Variants in ACOT7 observed in about 807,000 individuals in gnomAD.
ACOT7 encodes cytosolic acyl coenzyme A thioester hydrolase.
Under a neutral mutation model 40.2 loss-of-function variants are expected in ACOT7, and 12 were observed. The observed-to-expected ratio is 0.30, with a 90% confidence interval of 0.19 to 0.48. The LOEUF (loss-of-function observed/expected upper bound fraction) is 0.48. Ranked by LOEUF, ACOT7 falls within the 20% of genes least tolerant of loss-of-function variation. ACOT7 has a pLI of 0.99. For missense variants in ACOT7, 395 were observed against 530.8 expected (o/e 0.74, Z 2.51); for synonymous variants, 228 against 219.5 (o/e 1.04, Z -0.34).
At chr1:6,287,284 G>C (rs1333852769) in intron 7 of ACOT7, among the ~76,000 whole-genome samples, 3 of 152,206 alleles carry the variant, frequency 2.0e-5, no homozygotes, top group African/African-American at 7.2e-5. Flanking sequence ...CAGGTCGCTG[G>C]GGACACCAAA....
Position 6,301,831 on chromosome 1 carries a change from A to G in ACOT7, c.713-6851T>C, listed in dbSNP as rs1226615067. ...GCCAAAAAACCAAGCCCACACTCAA[A>G]ATGATCTTGCTGTGTGAGCTGGACG... On this transcript the variant is annotated intron_variant, in intron 6 of 8. Transcript: ENST00000361521. The surrounding 1 kb of genome is among the most constrained non-coding windows in gnomAD (Gnocchi z 4.1). Among the ~76,000 whole-genome samples, 1 of 152,142 alleles carries G rather than the reference A, an allele frequency of 6.6e-6. No homozygotes were observed. Among genetic ancestry groups the G allele is most frequent in the Admixed American group, 6.5e-5 (1 of 15,272 alleles).
chr1:6,267,071 C>T (rs541550902), intron 8 of ACOT7, among the ~76,000 whole-genome samples: 16 of 152,236 alleles, frequency 1.1e-4, no homozygotes, highest in African/African-American at 2.6e-4. Context: ...AGAGGAAAGA[C>T]GGCAAGGAGC....
chr1:6,306,653 A>G lies in ACOT7; in HGVS notation c.713-11673T>C. The stretch of plus-strand genomic sequence containing the variant: ...GTGCCACTCAGCTTCACGAGGAAGA[A>G]AGCGGCGTCCCAAAGCATTTGTTTG... On this transcript the variant is annotated intron_variant, in intron 6 of 8. Transcript: ENST00000361521. This position sits in a 1 kb window ranked among gnomAD's most constrained non-coding sequence, Gnocchi z 4.3. 4.1e-6 allele frequency: 4 copies of G among 985,368 alleles called. No homozygotes were observed. The highest frequency in any genetic ancestry group is 3.6e-6 in the Non-Finnish European group (3 of 829,904). The allele number at this position is 985,368 out of a possible 1,614,324, so 61.0% of individuals were successfully genotyped here.
Position 6,338,586 on chromosome 1 carries a change from T to C in ACOT7, c.418+847A>G, listed in dbSNP as rs911969654. 2.4e-4 allele frequency among the ~76,000 whole-genome samples: 37 copies of C among 152,184 alleles called. No individual in the cohort carries two copies. Among genetic ancestry groups the C allele is most frequent in the African/African-American group, 8.9e-4 (37 of 41,454 alleles). Reference sequence around the variant, plus strand: ...ATCAACCCTGCTGAGGTCCTCAGAATGTTCTAGATGCATAATCGTGCTTGC... The same window carrying C: ...ATCAACCCTGCTGAGGTCCTCAGAACGTTCTAGATGCATAATCGTGCTTGC... On this transcript the variant is annotated intron_variant, in intron 3 of 8. Coordinates refer to ENST00000361521, the MANE Select transcript of ACOT7 (RefSeq NM_007274.4). The surrounding 1 kb of genome is among the most constrained non-coding windows in gnomAD (Gnocchi z 4.4).
At chr1:6,268,882 A>C (rs1223520373) in intron 8 of ACOT7, among the ~76,000 whole-genome samples, 1 of 152,210 alleles carries the variant, frequency 6.6e-6, no homozygotes, top group African/African-American at 2.4e-5. Flanking sequence ...AGATGTGACC[A>C]CAGCCCTCCA....
rs373956526 is a variant in ACOT7 at position 6,338,434 on chromosome 1, C to T, written c.418+999G>A. On this transcript the variant is annotated intron_variant, in intron 3 of 8. Transcript: ENST00000361521. This position sits in a 1 kb window ranked among gnomAD's most constrained non-coding sequence, Gnocchi z 4.4. ...ACATCCTGAGACCAGCATCCAGGGT[C>T]CCTCTGATGTCAGAGGTGCCTGCTG... is the stretch of plus-strand genomic sequence containing the variant. Among the ~76,000 whole-genome samples, 7 of 152,338 alleles carry T rather than the reference C, an allele frequency of 4.6e-5. No homozygotes were observed. In the East Asian group the frequency reaches 1.4e-3, roughly 29 times the overall value.
At chr1:6,336,722 G>A (rs183780713) in intron 3 of ACOT7, among the ~76,000 whole-genome samples, 4 of 152,004 alleles carry the variant, frequency 2.6e-5, no homozygotes, top group Non-Finnish European at 2.9e-5. Flanking sequence ...AGTGCTCCCC[G>A]TGTGCCCACA....
chr1:6,267,113 G>A (rs1638873720), intron 8 of ACOT7, among the ~76,000 whole-genome samples: 1 of 152,234 alleles, frequency 6.6e-6, no homozygotes, highest in Non-Finnish European at 1.5e-5. Context: ...GAAAGCAGGA[G>A]AGAGCGAGCC....
In ACOT7 at chr1:6,278,752, C is replaced by T. The variant is rs1012774040; in HGVS notation, c.1014+2350G>A. On this transcript the variant is annotated intron_variant, in intron 8 of 8. Coordinates refer to ENST00000361521, the MANE Select transcript of ACOT7 (RefSeq NM_007274.4). The surrounding 1 kb of genome is among the most constrained non-coding windows in gnomAD (Gnocchi z 4.1). Reference sequence around the variant, plus strand: ...ATGTCAAAGCCAAGGGTTCGGGGACCGTGTGGTGGCCGGGGAGGCTGGAGT... The same window carrying T: ...ATGTCAAAGCCAAGGGTTCGGGGACTGTGTGGTGGCCGGGGAGGCTGGAGT... 6.6e-6 allele frequency among the ~76,000 whole-genome samples: 1 copy of T among 152,160 alleles called. No individual in the cohort carries two copies. The highest frequency in any genetic ancestry group is 1.5e-5 in the Non-Finnish European group (1 of 68,032).
intron 8 of ACOT7, among the ~76,000 whole-genome samples, chr1:6,265,510 GC>G (rs1638814681): frequency 6.6e-6 from 1 of 152,232 alleles, no homozygotes; most frequent in Admixed American, 6.5e-5. Flanking sequence ...TGGGGGCAGA[GC>G]CAACTGAACA....
intron 1 of ACOT7, among the ~76,000 whole-genome samples, chr1:6,369,735 C>T (rs1436084113): frequency 2.6e-5 from 4 of 151,996 alleles, no homozygotes; most frequent in African/African-American, 9.6e-5. Flanking sequence ...CCCACCACCA[C>T]GCCCGGCTAA....
rs1639157570 is a variant in ACOT7, at chr1:6,275,336, C to T, written c.1014+5766G>A. On this transcript the variant is annotated intron_variant, in intron 8 of 8. Transcript: ENST00000361521. The surrounding 1 kb of genome is among the most constrained non-coding windows in gnomAD (Gnocchi z 5.6). Reference sequence around the variant, plus strand: ...AAGGGTCTCAGGGCCTCTTCTAGGTCGGGGCACGTCAGAGCGGACAAAGCT... The same window carrying T: ...AAGGGTCTCAGGGCCTCTTCTAGGTTGGGGCACGTCAGAGCGGACAAAGCT... Among the ~76,000 whole-genome samples the T allele has an allele frequency of 6.6e-6, 1 of 152,174 alleles. No homozygotes were observed. Among genetic ancestry groups the T allele is most frequent in the Non-Finnish European group, 1.5e-5 (1 of 68,034 alleles).
intron 3 of ACOT7, among the ~76,000 whole-genome samples, chr1:6,333,920 C>T (rs937920885): frequency 2.0e-5 from 3 of 152,194 alleles, no homozygotes; most frequent in African/African-American, 7.2e-5. Flanking sequence ...TGGGGCAGTT[C>T]TCCCTTTCCA....
chr1:6,319,346 G>A (rs1640581184), intron 5 of ACOT7, among the ~76,000 whole-genome samples: 2 of 152,046 alleles, frequency 1.3e-5, no homozygotes, highest in Non-Finnish European at 2.9e-5. Context: ...GCATCTGCCA[G>A]CACACCTGGC....
rs765693356 is a variant in ACOT7, at chr1:6,339,527, G to A, written c.324C>T (p.Ile108=). ...CCGCGCTGACATGCGCCACCTCACC[G>A]ATGCACATGGGAGACAGGAAGTCGG... ...ERTDFLSPMC[I]GEVAHVSAEI... is the part of the protein sequence containing the mutation. Residue 108 remains isoleucine (I), a synonymous_variant, in exon 3 of 9, where the codon ATC becomes ATT. Transcript: ENST00000361521. The A allele has an allele frequency of 6.8e-6, 11 of 1,613,648 alleles. No homozygotes were observed. The highest frequency in any genetic ancestry group is 2.2e-5 in the South Asian group (2 of 91,082).
intron 6 of ACOT7, among the ~76,000 whole-genome samples, chr1:6,312,494 C>T (rs1557645374): frequency 6.9e-6 from 1 of 144,770 alleles, no homozygotes; most frequent in Non-Finnish European, 1.5e-5. Context: ...GGCAGAGTCT[C>T]GCTCTGTCAC....
chr1:6,287,280 G>A (rs6692407), intron 7 of ACOT7, among the ~76,000 whole-genome samples: 11,934 of 152,338 alleles, frequency 0.078, 532 homozygotes, highest in Non-Finnish European at 0.11. Flanking sequence ...AGGCCAGGTC[G>A]CTGGGGACAC....
At chr1:6,295,345 A>C (rs1571279715) in intron 6 of ACOT7, 1 of 174,744 alleles carries the variant, frequency 5.7e-6, no homozygotes, top group Admixed American at 5.7e-5. Context: ...GGAAACTGGA[A>C]CCCTCCTCCA....
chr1:6,314,041 C>T (rs1301368182), intron 6 of ACOT7, among the ~76,000 whole-genome samples: 1 of 152,132 alleles, frequency 6.6e-6, no homozygotes, highest in African/African-American at 2.4e-5. Context: ...GAATGAGCAA[C>T]GTGGAGGAGG....
Sources: gnomAD v4.1 joint callset for allele counts (sites outside exome capture counted in the v4.1 genomes callset) on GRCh38, gnomAD v4.1.1 for gene constraint, Gnocchi (gnomAD v3.1) non-coding constraint, MANE v1.5 for transcripts, NCBI Gene and HGNC (gene_info 2026-07-23, HGNC 2026-07-21) for gene names.